CRMP1: variants seen among roughly 807,000 people sequenced by gnomAD.
CRMP1 encodes collapsin response mediator protein 1.
A neutral mutation model predicts 68.3 loss-of-function variants in CRMP1; 19 were observed. The ratio of observed to expected loss-of-function variants is 0.28; its 90% CI spans 0.19 to 0.41. The LOEUF is 0.41. Among genes scored for constraint, CRMP1 ranks in the 10% least tolerant of loss-of-function variants. The pLI is 1.00. For synonymous variants in CRMP1, 439 were observed against 399.6 expected (o/e 1.10, Z -1.18); for missense variants, 791 against 967.4 (o/e 0.82, Z 2.42).
rs573787344 is a variant in CRMP1, at chr4:5,851,954, A to G, written c.821-485T>C. Reference sequence around the variant, plus strand: ...AGGAGGAAGAGGAGGAGAAAGGGAGAAGAAGGAGGAAGAGGAAGAGGAGGA... The same window carrying G: ...AGGAGGAAGAGGAGGAGAAAGGGAGGAGAAGGAGGAAGAGGAAGAGGAGGA... On this transcript the variant is annotated intron_variant, in intron 4 of 13. Transcript: ENST00000324989. Among the ~76,000 whole-genome samples the G allele has an allele frequency of 5.5e-3, 638 of 116,676 alleles. 5 individuals are homozygous for G. The highest frequency in any genetic ancestry group is 0.03 in the South Asian group (98 of 3,316). 76.5% of individuals were successfully genotyped at this position (116,676 alleles called of 152,430 possible). A position where few individuals can be genotyped will look rare whatever the true frequency, so the allele number is the denominator to read the frequency against.
Position 5,836,089 on chromosome 4 carries a change from C to T in CRMP1, c.1453-4G>A. On this transcript the variant is annotated splice_polypyrimidine_tract_variant and splice_region_variant and intron_variant, in intron 10 of 13. Coordinates refer to ENST00000324989, the MANE Select transcript of CRMP1 (RefSeq NM_001014809.3). ...TCTCATCCATTTTGCCAGTAGCCTA[C>T]AGGCAAGACCCACAGATGAGAAGAG... 6.7e-7 allele frequency: 1 copy of T among 1,491,394 alleles called. No individual in the cohort carries two copies. Among genetic ancestry groups the T allele is most frequent in the African/African-American group, 1.4e-5 (1 of 69,300 alleles). 92.4% of individuals were successfully genotyped at this position (1,491,394 alleles called of 1,614,324 possible). A position where few individuals can be genotyped will look rare whatever the true frequency, so the allele number is the denominator to read the frequency against.
rs1577771906 is a variant in CRMP1, at chr4:5,842,419, A to C, written c.1032+674T>G. 1.6e-5 allele frequency among the ~76,000 whole-genome samples: 2 copies of C among 128,132 alleles called. No individual in the cohort carries two copies. Among genetic ancestry groups the C allele is most frequent in the East Asian group, 2.2e-4 (1 of 4,516 alleles). The allele number at this position is 128,132 out of a possible 152,430, so 84.1% of individuals were successfully genotyped here. The stretch of plus-strand genomic sequence containing the variant: ...ACTGTAGCCTGGGCAACAGAGAGAG[A>C]CTCCATCTCAAAAAAAAAAAAAAAA... On this transcript the variant is annotated intron_variant, in intron 7 of 13. Transcript: ENST00000324989. The surrounding 1 kb of genome is among the most constrained non-coding windows in gnomAD (Gnocchi z 4.5).
chr4:5,885,940 A>G (rs988110926), intron 1 of CRMP1, among the ~76,000 whole-genome samples: 1 of 152,182 alleles, frequency 6.6e-6, no homozygotes, highest in African/African-American at 2.4e-5. Context: ...GAAAAGCCAC[A>G]GTGCTCACCC....
intron 1 of CRMP1, among the ~76,000 whole-genome samples, chr4:5,875,717 T>G (rs1181785245): frequency 7.1e-6 from 1 of 140,090 alleles, no homozygotes; most frequent in Non-Finnish European, 1.5e-5. Flanking sequence ...CAGGTGGGGG[T>G]TGGTGCTGTC....
Position 5,867,826 on chromosome 4 carries a change from CTATT to C in CRMP1, c.382-1074_382-1071del, listed in dbSNP as rs56689752. On this transcript the variant is annotated intron_variant, in intron 1 of 13. Coordinates refer to ENST00000324989, the MANE Select transcript of CRMP1 (RefSeq NM_001014809.3). ...CCAGAAAATAAGTCTAAAAAAGAGTCTATTTATACTTCCTATATCTACACTCTGT... is the reference window on the plus strand; with the variant it reads ...CCAGAAAATAAGTCTAAAAAAGAGTCTATACTTCCTATATCTACACTCTGT... Among the ~76,000 whole-genome samples, 795 of 150,868 alleles carry C rather than the reference CTATT, an allele frequency of 5.3e-3. 7 individuals carry two copies. Among genetic ancestry groups the C allele is most frequent in the African/African-American group, 0.019 (765 of 41,082 alleles).
chr4:5,873,335 G>A (rs1179595063), intron 1 of CRMP1, among the ~76,000 whole-genome samples: 2 of 152,198 alleles, frequency 1.3e-5, no homozygotes, highest in Admixed American at 1.3e-4. Context: ...AGCACACGGT[G>A]TATTAGTCCA....
Position 5,865,221 on chromosome 4 carries a change from G to A in CRMP1, c.470+1447C>T, listed in dbSNP as rs1713898663. On this transcript the variant is annotated intron_variant, in intron 2 of 13. Coordinates refer to ENST00000324989, the MANE Select transcript of CRMP1 (RefSeq NM_001014809.3). The surrounding 1 kb of genome is among the most constrained non-coding windows in gnomAD (Gnocchi z 4.1). ...GCCACTCATGCTGGATCCTTAAACAGTGTCCTTCTCTTCTCTTCCAGATTT... is the reference window on the plus strand; with the variant it reads ...GCCACTCATGCTGGATCCTTAAACAATGTCCTTCTCTTCTCTTCCAGATTT... Among the ~76,000 whole-genome samples, 1 of 151,974 alleles carries A rather than the reference G, an allele frequency of 6.6e-6. No individual in the cohort carries two copies. The highest frequency in any genetic ancestry group is 6.6e-5 in the Admixed American group (1 of 15,260).
intron 5 of CRMP1, 64 bp downstream of exon 5, chr4:5,851,344 G>A: frequency 6.9e-7 from 1 of 1,452,990 alleles, no homozygotes; most frequent in Non-Finnish European, 9.7e-7. Context: ...GTGCTGCCTG[G>A]ACTGGCAAAG....
In CRMP1 at chr4:5,825,608, C is replaced by T. The variant is rs747466792; in HGVS notation, c.1855G>A (p.Glu619Lys). 1 of 1,605,642 alleles carries T rather than the reference C, an allele frequency of 6.2e-7. No homozygotes were observed. Among genetic ancestry groups the T allele is most frequent in the East Asian group, 2.3e-5 (1 of 44,426 alleles). ...GCATATTTGGGTGTAGCTGGTACCT[C>T]GTACACAGGACCGTCATACATGCCC... Reference protein sequence around the residue: ...SRGMYDGPVYEVPATPKYATP... With the variant: ...SRGMYDGPVYKVPATPKYATP... The change falls in exon 13 of 14, where the codon GAG (glutamate) becomes AAG (lysine). Residue 619 changes from glutamate to lysine, a missense_variant. By Grantham distance (56) the Glu-to-Lys change is moderately conservative. This residue lies in a region of CRMP1 where 594 missense variants were observed against 763.6 expected (regional missense o/e 0.78). Transcript: ENST00000324989. This position sits in a 1 kb window ranked among gnomAD's most constrained non-coding sequence, Gnocchi z 4.4.
At position 5,890,719 on chromosome 4, in the gene CRMP1, A is replaced by C. The variant is rs1338683588; in HGVS notation, c.381+1870T>G. On this transcript the variant is annotated intron_variant, in intron 1 of 13. Transcript: ENST00000324989. This position sits in a 1 kb window ranked among gnomAD's most constrained non-coding sequence, Gnocchi z 5.5. ...GTAGGGGAGAGGAACGGGAGAGGTG[A>C]AGCGACCAGCGTCCCCAAGGGTCAG... Among the ~76,000 whole-genome samples the C allele has an allele frequency of 4.6e-5, 7 of 152,118 alleles. No individual in the cohort carries two copies. The highest frequency in any genetic ancestry group is 2.1e-4 in the South Asian group (1 of 4,830).
chr4:5,840,324 C>T (rs16837726), intron 8 of CRMP1, among the ~76,000 whole-genome samples: 1 of 152,196 alleles, frequency 6.6e-6, no homozygotes, highest in Non-Finnish European at 1.5e-5. Context: ...TTCAAGGAGT[C>T]GGCCTGGCGG....
Position 5,855,152 on chromosome 4 carries a change from A to C in CRMP1, c.820+991T>G, listed in dbSNP as rs1231229503. Among the ~76,000 whole-genome samples, 1 of 152,246 alleles carries C rather than the reference A, an allele frequency of 6.6e-6. No homozygotes were observed. Among genetic ancestry groups the C allele is most frequent in the Non-Finnish European group, 1.5e-5 (1 of 68,042 alleles). On this transcript the variant is annotated intron_variant, in intron 4 of 13. Transcript: ENST00000324989. The surrounding 1 kb of genome is among the most constrained non-coding windows in gnomAD (Gnocchi z 4.9). ...CAACCACATAGGGGAAAAATCATCCAAATACACAGGGAATGGAAAGCAATA... is the reference window on the plus strand; with the variant it reads ...CAACCACATAGGGGAAAAATCATCCCAATACACAGGGAATGGAAAGCAATA...
At chr4:5,832,283 T>C (rs6857170) in intron 11 of CRMP1, among the ~76,000 whole-genome samples, 17,881 of 152,250 alleles carry the variant, frequency 0.12, 2,137 homozygotes, top group African/African-American at 0.31. Context: ...AGCCACTGAA[T>C]TGTACACTTC....
intron 11 of CRMP1, among the ~76,000 whole-genome samples, chr4:5,829,128 C>A (rs1307505158): frequency 1.3e-5 from 2 of 152,156 alleles, no homozygotes; most frequent in Admixed American, 6.5e-5. Flanking sequence ...CCCAAGGGTT[C>A]AGATCAATTG....
At position 5,839,428 on chromosome 4, in the gene CRMP1, T is replaced by G. The variant is rs533881320; in HGVS notation, c.1310+94A>C. On this transcript the variant is annotated intron_variant, in intron 9 of 13. Coordinates refer to ENST00000324989, the MANE Select transcript of CRMP1 (RefSeq NM_001014809.3). ...CGGGGCAGAGCCTCCTCTACAATCA[T>G]GAGTCCAAACCAGCCTGCGGATTCC... The G allele has an allele frequency of 5.5e-6, 8 of 1,460,088 alleles. 1 individual carries two copies. The East Asian group carries it at 1.5e-4, about 27-fold the overall frequency. 90.4% of individuals were successfully genotyped at this position (1,460,088 alleles called of 1,614,324 possible).
Position 5,821,672 on chromosome 4 carries a change from A to G in CRMP1, c.*88T>C, listed in dbSNP as rs901864619. 120 of 1,303,332 alleles carry G rather than the reference A, an allele frequency of 9.2e-5. No individual in the cohort carries two copies. Among genetic ancestry groups the G allele is most frequent in the Admixed American group, 4.6e-4 (22 of 47,558 alleles). The allele number at this position is 1,303,332 out of a possible 1,614,324, so 80.7% of individuals were successfully genotyped here. On this transcript the variant is annotated 3_prime_UTR_variant, in exon 14 of 14. Transcript: ENST00000324989. This position sits in a 1 kb window ranked among gnomAD's most constrained non-coding sequence, Gnocchi z 4.4. ...CCCCCTCCCTCCATCAGCACCAACT[A>G]AAACTGTGGGTTTCAAAAACACTGA...
At chr4:5,836,734 A>G (rs767487824) in intron 10 of CRMP1, 31 bp downstream of exon 10, 1 of 1,613,964 alleles carries the variant, frequency 6.2e-7, no homozygotes, top group South Asian at 1.1e-5. Context: ...GAGTGTTTCT[A>G]GAATGCTCCT....
intron 1 of CRMP1, among the ~76,000 whole-genome samples, chr4:5,873,655 C>T (rs1714616183): frequency 6.6e-6 from 1 of 152,206 alleles, no homozygotes. Context: ...GTGATTCAAT[C>T]ACCTCCCTCC....
In CRMP1 at chr4:5,841,366, G is replaced by A. The variant is rs878972083; in HGVS notation, c.1095C>T (p.Tyr365=). The change falls in exon 8 of 14, where the codon TAC becomes TAT. Residue 365 remains tyrosine, a synonymous_variant. Transcript: ENST00000324989. The surrounding 1 kb of genome is among the most constrained non-coding windows in gnomAD (Gnocchi z 6.9). ...CACTCTTGCTCATGACCTTGGTGAT[G>A]TACACAGGGCAGTTGATCCGGCCCG... ...TIAGRINCPV[Y]ITKVMSKSAA... 1.9e-6 allele frequency: 3 copies of A among 1,614,030 alleles called. No individual in the cohort carries two copies. Among genetic ancestry groups the A allele is most frequent in the Non-Finnish European group, 2.5e-6 (3 of 1,180,044 alleles).
Sources: allele counts gnomAD v4.1 joint callset (sites outside exome capture counted in the v4.1 genomes callset), GRCh38; gene constraint gnomAD v4.1.1; regional missense constraint gnomAD v4.1.1; non-coding constraint Gnocchi (gnomAD v3.1); transcripts MANE v1.5; gene names NCBI Gene and HGNC (gene_info 2026-07-23, HGNC 2026-07-21).